SEMA3F: variants seen among roughly 807,000 people sequenced by gnomAD.
SEMA3F encodes the protein semaphorin-3F.
Under a neutral mutation model 98.5 loss-of-function variants are expected in SEMA3F, and 30 were observed. The ratio of observed to expected loss-of-function variants is 0.30; its 90% CI spans 0.23 to 0.41. The LOEUF (loss-of-function observed/expected upper bound fraction) is 0.41. SEMA3F is among the 10% of genes least tolerant of loss of function. SEMA3F has a pLI of 1.00. For synonymous variants in SEMA3F, 380 were observed against 444.8 expected (o/e 0.85, Z 1.83); for missense variants, 866 against 1,119.3 (o/e 0.77, Z 3.23).
At chr3:50,170,847 C>T (rs992858414) in intron 2 of SEMA3F, among the ~76,000 whole-genome samples, 6 of 152,056 alleles carry the variant, frequency 3.9e-5, no homozygotes, top group Admixed American at 1.3e-4. Flanking sequence ...CCTGTGACAC[C>T]AGAGCCATTG....
In SEMA3F at chr3:50,187,724, T is replaced by C. The variant is rs764512744; in HGVS notation, c.1967T>C (p.Phe656Ser). Reference sequence around the variant, plus strand: ...CTGCAGATTCGTGCAGAGGACCGCTTCCTGCGCACAGAGCAGGGCTTGTTG... The same window carrying C: ...CTGCAGATTCGTGCAGAGGACCGCTCCCTGCGCACAGAGCAGGGCTTGTTG... ...RRREIRAEDRFLRTEQGLLLR... is the reference protein window; with the variant it reads ...RRREIRAEDRSLRTEQGLLLR... Residue 656 changes from phenylalanine to serine, a missense_variant, in exon 19 of 19, where the codon TTC becomes TCC. Around this residue, in one of 3 missense-constraint regions of SEMA3F, gnomAD observed 245 missense variants for 260.5 expected, o/e 0.94. Transcript: ENST00000002829. 4 of 1,598,470 alleles carry C rather than the reference T, an allele frequency of 2.5e-6. No individual in the cohort carries two copies. The highest frequency in any genetic ancestry group is 2.6e-6 in the Non-Finnish European group (3 of 1,168,704).
chr3:50,186,682 C>T lies in SEMA3F; in HGVS notation c.1883C>T (p.Pro628Leu). The T allele has an allele frequency of 1.2e-6, 2 of 1,610,814 alleles. No homozygotes were observed. The highest frequency in any genetic ancestry group is 1.3e-5 in the African/African-American group (1 of 75,022). ...AGSAAFLECQ[P>L]RSPQATVKWL... Reference sequence around the variant, plus strand: ...AGCGCAGCCTTCCTTGAGTGCCAGCCCCGCTCGCCCCAAGCCACTGTTAAG... The same window carrying T: ...AGCGCAGCCTTCCTTGAGTGCCAGCTCCGCTCGCCCCAAGCCACTGTTAAG... Residue 628 changes from proline to leucine, a missense_variant, in exon 18 of 19, where the codon CCC (proline) becomes CTC (leucine). Pro to Leu is a moderately conservative substitution (Grantham distance 98). This residue lies in a region of SEMA3F where 245 missense variants were observed against 260.5 expected (regional missense o/e 0.94). Transcript: ENST00000002829.
In SEMA3F at chr3:50,160,474, G is replaced by A. The variant is rs932312522; in HGVS notation, c.112+740G>A. 7.2e-5 allele frequency among the ~76,000 whole-genome samples: 11 copies of A among 152,162 alleles called. 1 individual carries two copies. The highest frequency in any genetic ancestry group is 2.0e-4 in the Admixed American group (3 of 15,274). On this transcript the variant is annotated intron_variant, in intron 2 of 18. Coordinates refer to ENST00000002829, the MANE Select transcript of SEMA3F (RefSeq NM_004186.5). ...ACCCACTGGACAGGTGCACGCACAC[G>A]GTACACACATGGGTGTACAAATGGC...
intron 17 of SEMA3F, 89 bp downstream of exon 17, chr3:50,186,437 A>G: frequency 6.8e-7 from 1 of 1,464,610 alleles, no homozygotes; most frequent in Non-Finnish European, 9.5e-7. Flanking sequence ...CCCCACTGTA[A>G]GGGTGCTCTG....
In SEMA3F at chr3:50,155,696, C is replaced by G. The variant is rs1371780749; in HGVS notation, c.-49+132C>G. On this transcript the variant is annotated intron_variant, in intron 1 of 18. Transcript: ENST00000002829. This position sits in a 1 kb window ranked among gnomAD's most constrained non-coding sequence, Gnocchi z 4.9. ...TCTCGTCGAGCCGGGGGGCTGCCCG[C>G]GGACATAGGGGCAACAAGGCTGGGG... 4.4e-6 allele frequency: 1 copy of G among 229,180 alleles called. No homozygotes were observed. The highest frequency in any genetic ancestry group is 8.4e-6 in the Non-Finnish European group (1 of 118,686). 14.2% of individuals were successfully genotyped at this position (229,180 alleles called of 1,614,324 possible).
At chr3:50,164,910 G>A (rs1341420765) in intron 2 of SEMA3F, among the ~76,000 whole-genome samples, 2 of 152,246 alleles carry the variant, frequency 1.3e-5, no homozygotes, top group African/African-American at 2.4e-5. Context: ...AACTGTGTGA[G>A]TATGGTCACT....
At chr3:50,155,108 G>T (rs1697921425), upstream of SEMA3F, 1 of 415,432 alleles carries the variant, frequency 2.4e-6, no homozygotes, top group Non-Finnish European at 4.4e-6. The surrounding 1 kb of genome is among the most constrained non-coding windows in gnomAD (Gnocchi z 4.9). Flanking sequence ...CGAACGAACC[G>T]CGGCGGTCCG....
chr3:50,179,625 C>T (rs1440139449), intron 7 of SEMA3F, among the ~76,000 whole-genome samples: 1 of 152,208 alleles, frequency 6.6e-6, no homozygotes, highest in Non-Finnish European at 1.5e-5. Context: ...TGGCCCTGGC[C>T]AGAAGGCTGT....
In SEMA3F at chr3:50,187,961, C is replaced by A. The variant is rs753830480; in HGVS notation, c.2204C>A (p.Ala735Asp). Residue 735 changes from alanine to aspartate, a missense_variant, in exon 19 of 19, where the codon GCC (alanine) becomes GAC (aspartate). This residue lies in a region of SEMA3F where 245 missense variants were observed against 260.5 expected (regional missense o/e 0.94). Transcript: ENST00000002829. The stretch of plus-strand genomic sequence containing the variant: ...TACCAGGAGTTAGCCCAGCTGCTGG[C>A]CCAGCCAGAAGTGGGCCTCATCCAC... ...PPYQELAQLL[A>D]QPEVGLIHQY... 7 of 1,609,072 alleles carry A rather than the reference C, an allele frequency of 4.4e-6. No homozygotes were observed. Among genetic ancestry groups the A allele is most frequent in the Non-Finnish European group, 5.1e-6 (6 of 1,178,212 alleles).
At chr3:50,161,224 G>T (rs79056492) in intron 2 of SEMA3F, among the ~76,000 whole-genome samples, 2,051 of 152,272 alleles carry the variant, frequency 0.013, 35 homozygotes, top group African/African-American at 0.046. Context: ...TTGTCATCAT[G>T]CATGCAAGTA....
At chr3:50,183,332 C>T (rs556964753) in intron 11 of SEMA3F, 77 bp downstream of exon 11, 148 of 1,602,790 alleles carry the variant, frequency 9.2e-5, no homozygotes, top group East Asian at 8.3e-4. Context: ...AACCCCAGCC[C>T]GGTGGCGAGC....
chr3:50,170,689 C>T (rs1001660646), intron 2 of SEMA3F, among the ~76,000 whole-genome samples: 2 of 152,034 alleles, frequency 1.3e-5, no homozygotes, highest in African/African-American at 4.8e-5. Context: ...AGCGAGAGTG[C>T]CCCCAACTCA....
At chr3:50,184,546 G>C in intron 12 of SEMA3F, 46 bp from the exon 13 acceptor site, 1 of 1,481,520 alleles carries the variant, frequency 6.7e-7, no homozygotes, top group Non-Finnish European at 9.4e-7. Context: ...GCTCCAGCCT[G>C]CCCTGCCCAG....
At chr3:50,171,318 G>A (rs1027221113) in intron 2 of SEMA3F, among the ~76,000 whole-genome samples, 1 of 152,178 alleles carries the variant, frequency 6.6e-6, no homozygotes, top group Non-Finnish European at 1.5e-5. Context: ...GAGGGTAGGG[G>A]ACTCGGACTT....
At chr3:50,187,595 C>T in intron 18 of SEMA3F, 110 bp from the exon 19 acceptor site, 4 of 810,666 alleles carry the variant, frequency 4.9e-6, no homozygotes, top group South Asian at 4.8e-5. Flanking sequence ...ATGGAAATCC[C>T]ACATGGGTGC....
intron 2 of SEMA3F, among the ~76,000 whole-genome samples, chr3:50,170,661 A>G (rs1231714741): frequency 6.6e-6 from 1 of 152,088 alleles, no homozygotes; most frequent in Non-Finnish European, 1.5e-5. Flanking sequence ...GGTCTAGACT[A>G]GAGAATGAGG....
Position 50,185,450 on chromosome 3 carries a change from G to A in SEMA3F, c.1464G>A (p.Gly488=). The change falls in exon 14 of 19, where the codon GGG becomes GGA. Residue 488 remains glycine (G), a synonymous_variant. Transcript: ENST00000002829. Reference sequence around the variant, plus strand: ...CTGCCCGGCCCGTTCCAGACCGCGGGACAGTGCAGAAGGTCATTGTGCTGC... The same window carrying A: ...CTGCCCGGCCCGTTCCAGACCGCGGAACAGTGCAGAAGGTCATTGTGCTGC... ...YEVLFLGTDR[G]TVQKVIVLPK... is the part of the protein sequence containing the mutation. 1 of 1,613,646 alleles carries A rather than the reference G, an allele frequency of 6.2e-7. No homozygotes were observed.
At chr3:50,172,349 T>C (rs1434500740) in intron 2 of SEMA3F, among the ~76,000 whole-genome samples, 2 of 152,148 alleles carry the variant, frequency 1.3e-5, no homozygotes, top group African/African-American at 4.8e-5. Context: ...TTTGCTGAGC[T>C]AAAGATAGCT....
At chr3:50,172,226 C>T (rs556695477) in intron 2 of SEMA3F, among the ~76,000 whole-genome samples, 10 of 152,288 alleles carry the variant, frequency 6.6e-5, no homozygotes, top group African/African-American at 2.2e-4. Flanking sequence ...GACATGTGTG[C>T]GCCATGTGCA....
Sources: gnomAD v4.1 joint callset for allele counts (sites outside exome capture counted in the v4.1 genomes callset) on GRCh38, gnomAD v4.1.1 for gene constraint, gnomAD v4.1.1 regional missense constraint, Gnocchi (gnomAD v3.1) non-coding constraint, MANE v1.5 for transcripts, NCBI Gene and HGNC (gene_info 2026-07-23, HGNC 2026-07-21) for gene names.